ABCG8: variants seen among roughly 807,000 people sequenced by gnomAD.
ABCG8 encodes ATP-binding cassette sub-family G member 8.
Under a neutral mutation model 71.3 loss-of-function variants are expected in ABCG8, and 81 were observed. The ratio of observed to expected loss-of-function variants is 1.14; its 90% CI spans 0.95 to 1.37. ABCG8 has a LOEUF of 1.37. ABCG8 is among the 40% of genes most tolerant of loss of function. The pLI, the probability that ABCG8 is intolerant of heterozygous loss-of-function variation, is 0.00. For synonymous variants in ABCG8, 451 were observed against 354.7 expected, an observed-to-expected ratio of 1.27 and a Z score of -3.05; for missense variants, 1,119 against 866.2, an observed-to-expected ratio of 1.29 and a Z score of -3.66.
chr2:43,851,500 C>T (rs925968889), intron 3 of ABCG8, 84 bp from the exon 4 acceptor site: 1 of 1,483,920 alleles, frequency 6.7e-7, no homozygotes, highest in African/African-American at 1.4e-5. Flanking sequence ...GTCCGGGGTC[C>T]TGGAGAGTGT....
intron 6 of ABCG8, among the ~76,000 whole-genome samples, chr2:43,860,049 C>G (rs780760129): frequency 6.6e-6 from 1 of 151,244 alleles, no homozygotes; most frequent in African/African-American, 2.4e-5. Flanking sequence ...GGATAGAACT[C>G]TCACTATCTA....
At chr2:43,853,547 A>C (rs1005152414) in intron 6 of ABCG8, among the ~76,000 whole-genome samples, 4 of 152,156 alleles carry the variant, frequency 2.6e-5, no homozygotes, top group Non-Finnish European at 5.9e-5. Context: ...GGCTTATGCT[A>C]TAGGTCGCCT....
chr2:43,863,338 T>C (rs141040527), intron 6 of ABCG8, among the ~76,000 whole-genome samples: 7,761 of 151,290 alleles, frequency 0.051, 245 homozygotes, highest in Middle Eastern at 0.11. Flanking sequence ...GAATTCTCAC[T>C]ATCTGGATAG....
At chr2:43,851,843 G>A (rs1180854454) in intron 4 of ABCG8, 21 bp downstream of exon 4, 1 of 1,612,718 alleles carries the variant, frequency 6.2e-7, no homozygotes, top group Non-Finnish European at 8.5e-7. Context: ...GGCCCCAGTG[G>A]TGACCCCCAG....
At chr2:43,851,916 C>T (rs763731696) in intron 4 of ABCG8, 94 bp downstream of exon 4, 36 of 1,414,736 alleles carry the variant, frequency 2.5e-5, no homozygotes, top group African/African-American at 2.0e-4. Context: ...AGGACCCAGC[C>T]GCAGGTCGAG....
intron 6 of ABCG8, among the ~76,000 whole-genome samples, chr2:43,854,990 T>A (rs1669052336): frequency 2.0e-5 from 3 of 152,168 alleles, no homozygotes; most frequent in Admixed American, 2.0e-4. Context: ...GACCAAGGGG[T>A]CAGTGAGAAA....
At chr2:43,853,146 G>C (rs1378200668) in intron 6 of ABCG8, among the ~76,000 whole-genome samples, 5 of 152,174 alleles carry the variant, frequency 3.3e-5, no homozygotes, top group African/African-American at 9.7e-5. Context: ...AATTCAAGAG[G>C]GTGGGGATCA....
rs551422635 is a variant in ABCG8, at chr2:43,876,568, TATGGGGAG to T, written c.1757-991_1757-984del. ...CAAGAATATAGGGAGACCATGGGAA[TATGGGGAG>T]ACTATGGGAATATGGGGAGATCACA... On this transcript the variant is annotated intron_variant, in intron 11 of 12. Coordinates refer to ENST00000272286, the MANE Select transcript of ABCG8 (RefSeq NM_022437.3). 2.8e-4 allele frequency among the ~76,000 whole-genome samples: 42 copies of T among 150,188 alleles called. 2 individuals are homozygous for T. In the South Asian group the frequency reaches 8.9e-3, roughly 32 times the overall value.
rs72647317 is a variant in ABCG8, at chr2:43,839,213, C to A, written c.63+97C>A. 5.0e-4 allele frequency: 658 copies of A among 1,312,602 alleles called. 2 individuals are homozygous for A. The African/African-American group carries it at 7.6e-3, about 15-fold the overall frequency. The allele number at this position is 1,312,602 out of a possible 1,614,324, so 81.3% of individuals were successfully genotyped here. ...TCAGGAGCCTTCTGTCCTAGCACCA[C>A]CCGGACATCAAGCAGTGTGAGGACA... On this transcript the variant is annotated intron_variant, in intron 1 of 12. Coordinates refer to ENST00000272286, the MANE Select transcript of ABCG8 (RefSeq NM_022437.3).
At chr2:43,857,798 C>T (rs1157420782) in intron 6 of ABCG8, among the ~76,000 whole-genome samples, 6 of 151,378 alleles carry the variant, frequency 4.0e-5, no homozygotes, top group Non-Finnish European at 7.4e-5. Context: ...CCCACTCTGT[C>T]GTTAGAACTC....
At chr2:43,854,317 T>G (rs1219773954) in intron 6 of ABCG8, among the ~76,000 whole-genome samples, 1 of 152,054 alleles carries the variant, frequency 6.6e-6, no homozygotes. Context: ...TTATCTTGTC[T>G]TGAGATGTGT....
intron 6 of ABCG8, among the ~76,000 whole-genome samples, chr2:43,866,928 A>G (rs1178676813): frequency 6.6e-6 from 1 of 150,978 alleles, no homozygotes; most frequent in Non-Finnish European, 1.5e-5. Flanking sequence ...TCACAATAGC[A>G]AAGACTTGGA....
At chr2:43,865,177 C>A (rs1669482511) in intron 6 of ABCG8, among the ~76,000 whole-genome samples, 1 of 151,016 alleles carries the variant, frequency 6.6e-6, no homozygotes, top group African/African-American at 2.4e-5. Flanking sequence ...GAATTCTCAA[C>A]ATCTGGATAG....
chr2:43,848,426 A>G (rs772468077), intron 3 of ABCG8: 2 of 152,196 alleles, frequency 1.3e-5, no homozygotes, highest in Non-Finnish European at 1.5e-5. Flanking sequence ...CTTGGCTGCC[A>G]TGATTGGCTG....
Position 43,852,875 on chromosome 2 carries a change from C to T in ABCG8, c.964+7C>T. 1 of 1,613,818 alleles carries T rather than the reference C, an allele frequency of 6.2e-7. No individual in the cohort carries two copies. The highest frequency in any genetic ancestry group is 8.5e-7 in the Non-Finnish European group (1 of 1,180,020). On this transcript the variant is annotated splice_region_variant and intron_variant, in intron 6 of 12. Transcript: ENST00000272286. ...AATCCTGCTGACTTCTATGGTGAGT[C>T]CCCAAGGCCAGCAGCCAGGGCCCTG...
At chr2:43,842,676 T>C (rs1668616845) in intron 1 of ABCG8, among the ~76,000 whole-genome samples, 1 of 152,100 alleles carries the variant, frequency 6.6e-6, no homozygotes, top group African/African-American at 2.4e-5. Context: ...ACCAAAAGCT[T>C]TGAAGCTTGA....
intron 11 of ABCG8, among the ~76,000 whole-genome samples, chr2:43,875,749 G>C (rs1669940492): frequency 6.6e-6 from 1 of 152,136 alleles, no homozygotes; most frequent in Non-Finnish European, 1.5e-5. Flanking sequence ...ACCATTGTTT[G>C]AGCCTGGGCC....
At position 43,852,852 on chromosome 2, in the gene ABCG8, T is replaced by A; in HGVS notation, c.948T>A (p.Asn316Lys). 1 of 1,614,024 alleles carries A rather than the reference T, an allele frequency of 6.2e-7. No individual in the cohort carries two copies. Among genetic ancestry groups the A allele is most frequent in the Non-Finnish European group, 8.5e-7 (1 of 1,180,010 alleles). The change falls in exon 6 of 13, where the codon AAT becomes AAA. Residue 316 changes from asparagine to lysine, a missense_variant. Physicochemically the swap from Asn to Lys is moderately conservative, Grantham distance 94. Transcript: ENST00000272286. Reference sequence around the variant, plus strand: ...GCTACCCCTGTCCTCGCTACAGCAATCCTGCTGACTTCTATGGTGAGTCCC... The same window carrying A: ...GCTACCCCTGTCCTCGCTACAGCAAACCTGCTGACTTCTATGGTGAGTCCC... Reference protein sequence around the residue: ...AIGYPCPRYSNPADFYVDLTS... With the variant: ...AIGYPCPRYSKPADFYVDLTS...
At chr2:43,841,300 T>C (rs1256080019) in intron 1 of ABCG8, among the ~76,000 whole-genome samples, 1 of 152,238 alleles carries the variant, frequency 6.6e-6, no homozygotes, top group Non-Finnish European at 1.5e-5. Flanking sequence ...GAAATTACAA[T>C]GTAGCCCAGC....
Sources: allele counts gnomAD v4.1 joint callset (sites outside exome capture counted in the v4.1 genomes callset), GRCh38; gene constraint gnomAD v4.1.1; transcripts MANE v1.5; gene names NCBI Gene and HGNC (gene_info 2026-07-23, HGNC 2026-07-21).